IMMP1L: variants seen among roughly 807,000 people sequenced by gnomAD.
IMMP1L encodes the protein mitochondrial inner membrane protease subunit 1.
Under a neutral mutation model 21.8 loss-of-function variants are expected in IMMP1L, and 24 were observed. That is an observed-to-expected ratio of 1.10 (90% CI 0.80 to 1.55). The LOEUF (loss-of-function observed/expected upper bound fraction) is 1.55. IMMP1L is among the 40% of genes most tolerant of loss of function. IMMP1L has a pLI of 0.00. For missense variants in IMMP1L, 195 were observed against 200.7 expected, an observed-to-expected ratio of 0.97 and a Z score of 0.17; for synonymous variants, 46 against 62.8, an observed-to-expected ratio of 0.73 and a Z score of 1.26.
chr11:31,483,118 A>G (rs1565000969), intron 1 of IMMP1L, among the ~76,000 whole-genome samples: 2 of 152,050 alleles, frequency 1.3e-5, no homozygotes, highest in Non-Finnish European at 2.9e-5. Flanking sequence ...TGAATCTGCT[A>G]TTAAAATTCA....
At chr11:31,487,439 CT>C (rs1228121514) in intron 1 of IMMP1L, among the ~76,000 whole-genome samples, 5 of 151,954 alleles carry the variant, frequency 3.3e-5, no homozygotes. Flanking sequence ...TAGCTTAGCC[CT>C]AAGGTAGGAA....
intron 4 of IMMP1L, among the ~76,000 whole-genome samples, chr11:31,444,262 G>C (rs193273237): frequency 6.6e-6 from 1 of 152,216 alleles, no homozygotes; most frequent in Non-Finnish European, 1.5e-5. Flanking sequence ...ATCAGTAAGA[G>C]CACTTACTAG....
intron 2 of IMMP1L, 81 bp from the exon 3 acceptor site, chr11:31,460,795 AAG>A (rs1216137353): frequency 2.0e-6 from 2 of 1,006,830 alleles, no homozygotes; most frequent in Non-Finnish European, 3.0e-6. Context: ...GCTTAAAAGA[AAG>A]AAAATCAAGC....
rs1057227142 is a variant in IMMP1L, at chr11:31,507,893, G to A, written c.-30+1626C>T. The stretch of plus-strand genomic sequence containing the variant: ...GCATTGCTAATTAGCTAGATTTAAC[G>A]ATTCCGGAATGTACATACACTTCAT... On this transcript the variant is annotated intron_variant, in intron 1 of 5. Transcript: ENST00000532287. Among the ~76,000 whole-genome samples the A allele has an allele frequency of 5.9e-5, 9 of 152,016 alleles. No individual in the cohort carries two copies. In the South Asian group the frequency reaches 8.3e-4, roughly 14 times the overall value.
intron 1 of IMMP1L, among the ~76,000 whole-genome samples, chr11:31,487,660 A>G (rs956416917): frequency 6.6e-6 from 1 of 152,146 alleles, no homozygotes; most frequent in African/African-American, 2.4e-5. Flanking sequence ...TTTTCTTTGG[A>G]AAAACAAAAG....
rs868781787 is a variant in IMMP1L at position 31,485,709 on chromosome 11, T to C, written c.-29-22404A>G. 2.6e-5 allele frequency among the ~76,000 whole-genome samples: 4 copies of C among 151,732 alleles called. No homozygotes were observed. The South Asian group carries it at 6.2e-4, about 24-fold the overall frequency. On this transcript the variant is annotated intron_variant, in intron 1 of 5. Transcript: ENST00000532287. Reference sequence around the variant, plus strand: ...AAAAGCAAGAATTACCTAACAAATGTAAAAGAAAACAAAACAAATGAGAAA... The same window carrying C: ...AAAAGCAAGAATTACCTAACAAATGCAAAAGAAAACAAAACAAATGAGAAA...
intron 4 of IMMP1L, among the ~76,000 whole-genome samples, chr11:31,436,758 T>C (rs1953135388): frequency 6.6e-6 from 1 of 152,030 alleles, no homozygotes; most frequent in South Asian, 2.1e-4. Context: ...AATTAACAAC[T>C]ACAGAAAGGA....
At chr11:31,459,088 A>T (rs1954051232) in intron 3 of IMMP1L, among the ~76,000 whole-genome samples, 1 of 152,176 alleles carries the variant, frequency 6.6e-6, no homozygotes, top group South Asian at 2.1e-4. Context: ...GCAACAACAC[A>T]ATCTATTATA....
chr11:31,479,180 T>C (rs1954812682), intron 1 of IMMP1L, among the ~76,000 whole-genome samples: 1 of 152,074 alleles, frequency 6.6e-6, no homozygotes, highest in African/African-American at 2.4e-5. Context: ...CTTGTAAAAC[T>C]AAACTCCTAA....
intron 4 of IMMP1L, chr11:31,437,079 T>C (rs1002836028): frequency 9.3e-6 from 4 of 429,466 alleles, no homozygotes; most frequent in African/African-American, 8.2e-5. Flanking sequence ...TACGTACAGA[T>C]CTTTTAAAAT....
chr11:31,485,145 AT>A (rs1440328487), intron 1 of IMMP1L, among the ~76,000 whole-genome samples: 3 of 151,860 alleles, frequency 2.0e-5, no homozygotes, highest in African/African-American at 7.2e-5. Flanking sequence ...AAATGTTTTC[AT>A]GAAGTCAAAT....
intron 4 of IMMP1L, chr11:31,437,229 G>A (rs1205410755): frequency 1.0e-5 from 4 of 399,782 alleles, no homozygotes; most frequent in African/African-American, 2.1e-5. Flanking sequence ...ATATCCAGGG[G>A]AAGAGACCCA....
intron 1 of IMMP1L, chr11:31,488,241 C>A (rs1314984720): frequency 6.6e-6 from 1 of 151,766 alleles, no homozygotes; most frequent in East Asian, 1.9e-4. Flanking sequence ...TTTCAGGAAT[C>A]CTAAAGCAGG....
At chr11:31,491,868 G>A (rs760151233) in intron 1 of IMMP1L, among the ~76,000 whole-genome samples, 11 of 152,160 alleles carry the variant, frequency 7.2e-5, no homozygotes, top group Non-Finnish European at 5.9e-5. Flanking sequence ...ATACATGGGA[G>A]ACCCACACAT....
At chr11:31,471,999 T>C (rs1007139634) in intron 1 of IMMP1L, among the ~76,000 whole-genome samples, 1 of 152,166 alleles carries the variant, frequency 6.6e-6, no homozygotes, top group Non-Finnish European at 1.5e-5. Flanking sequence ...CTTTGTTCCA[T>C]CTCAAAGCCT....
At chr11:31,451,726 T>C (rs1352940114) in intron 4 of IMMP1L, among the ~76,000 whole-genome samples, 1 of 152,070 alleles carries the variant, frequency 6.6e-6, no homozygotes. Flanking sequence ...ATACTTGATA[T>C]AAATTTGAGA....
chr11:31,476,130 A>G (rs1042618961), intron 1 of IMMP1L, among the ~76,000 whole-genome samples: 13 of 152,172 alleles, frequency 8.5e-5, no homozygotes, highest in Non-Finnish European at 4.4e-5. Context: ...TAATTTTATT[A>G]TGAGGGTAAG....
At chr11:31,460,798 A>G (rs537903910) in intron 2 of IMMP1L, 84 bp from the exon 3 acceptor site, 1,112 of 983,006 alleles carry the variant, frequency 1.1e-3, no homozygotes, top group Non-Finnish European at 1.6e-3. Flanking sequence ...TAAAAGAAAG[A>G]AAATCAAGCA....
intron 1 of IMMP1L, among the ~76,000 whole-genome samples, chr11:31,478,463 C>T (rs571756114): frequency 8.0e-4 from 122 of 152,238 alleles, no homozygotes; most frequent in African/African-American, 2.9e-3. Flanking sequence ...TTACAATTGA[C>T]TGTGTACATA....
Sources: gnomAD v4.1 joint callset for allele counts (sites outside exome capture counted in the v4.1 genomes callset) on GRCh38, gnomAD v4.1.1 for gene constraint, MANE v1.5 for transcripts, NCBI Gene and HGNC (gene_info 2026-07-23, HGNC 2026-07-21) for gene names.